The following CCDC88A variants were observed in gnomAD, a reference collection of about 807,000 sequenced individuals.
CCDC88A encodes the protein coiled-coil and HOOK domain protein 88A.
A neutral mutation model predicts 234.3 loss-of-function variants in CCDC88A; 54 were observed. The ratio of observed to expected loss-of-function variants is 0.23; its 90% CI spans 0.19 to 0.29. CCDC88A has a LOEUF of 0.29. Among genes scored for constraint, CCDC88A ranks in the 10% least tolerant of loss-of-function variants. The probability of loss-of-function intolerance (pLI) is 1.00; values close to 1 mark genes in which losing one functional copy is unlikely to be tolerated. For synonymous variants in CCDC88A, 753 were observed against 737.8 expected, an observed-to-expected ratio of 1.02 and a Z score of -0.33; for missense variants, 1,832 against 2,123.4, an observed-to-expected ratio of 0.86 and a Z score of 2.70.
In CCDC88A at chr2:55,309,390, T is replaced by A; in HGVS notation, c.4080-136A>T. The A allele has an allele frequency of 2.1e-6, 1 of 470,928 alleles. No individual in the cohort carries two copies. Among genetic ancestry groups the A allele is most frequent in the South Asian group, 4.6e-5 (1 of 21,622 alleles). The allele number at this position is 470,928 out of a possible 1,614,324, so 29.2% of individuals were successfully genotyped here. On this transcript the variant is annotated intron_variant, in intron 23 of 32. Coordinates refer to ENST00000436346, the MANE Select transcript of CCDC88A (RefSeq NM_001365480.1). The surrounding 1 kb of genome is among the most constrained non-coding windows in gnomAD (Gnocchi z 5.1). The stretch of plus-strand genomic sequence containing the variant: ...AGATACCATGGTTGGCAACTAAGAT[T>A]TCATCAGGTAGTTAACAATGGGAAT...
chr2:55,390,046 A>T lies in CCDC88A; in HGVS notation c.165-1160T>A, dbSNP rs568538242. Among the ~76,000 whole-genome samples the T allele has an allele frequency of 1.6e-3, 229 of 143,504 alleles. 25 individuals carry two copies. Among genetic ancestry groups the T allele is most frequent in the Middle Eastern group, 7.0e-3 (2 of 286 alleles). The allele number at this position is 143,504 out of a possible 152,430, so 94.1% of individuals were successfully genotyped here. On this transcript the variant is annotated intron_variant, in intron 2 of 32. Coordinates refer to ENST00000436346, the MANE Select transcript of CCDC88A (RefSeq NM_001365480.1). ...ACAGAGCGAGACTCAAAAAAAAAAAAAAATAAAAAATAAAGATAGAACATT... is the reference window on the plus strand; with the variant it reads ...ACAGAGCGAGACTCAAAAAAAAAAATAAATAAAAAATAAAGATAGAACATT...
chr2:55,302,153 G>T (rs1680973108), intron 26 of CCDC88A, 81 bp from the exon 27 acceptor site: 6 of 1,133,606 alleles, frequency 5.3e-6, no homozygotes, highest in Admixed American at 2.2e-5. Flanking sequence ...AAATACTGTG[G>T]TTTTTGTCTA....
chr2:55,384,577 ATGTG>A (rs1675206457), intron 3 of CCDC88A, among the ~76,000 whole-genome samples: 1 of 99,360 alleles, frequency 1.0e-5, no homozygotes, highest in African/African-American at 3.9e-5. Context: ...ATACGTATAT[ATGTG>A]TATATATACA....
chr2:55,355,984 TTTTATTTA>T (rs1023454312), intron 7 of CCDC88A: 12 of 305,166 alleles, frequency 3.9e-5, no homozygotes, highest in Admixed American at 1.4e-4. Flanking sequence ...CTTCCTAGTT[TTTTATTTA>T]TTTATTTATT....
chr2:55,311,480 C>G (rs1026556721), intron 23 of CCDC88A, among the ~76,000 whole-genome samples: 2 of 152,178 alleles, frequency 1.3e-5, no homozygotes, highest in Non-Finnish European at 2.9e-5. Context: ...CTGAGAGGCA[C>G]AGACATACTA....
intron 2 of CCDC88A, among the ~76,000 whole-genome samples, chr2:55,413,077 A>T (rs1680761702): frequency 6.6e-6 from 1 of 152,032 alleles, no homozygotes; most frequent in African/African-American, 2.4e-5. Flanking sequence ...GTGCAGTAGC[A>T]CATGCCTGCA....
chr2:55,332,399 G>C lies in CCDC88A; in HGVS notation c.2855+167C>G. ...AGCCTCCCAAAGTGCTGGGATTATA[G>C]GTGTGAGCCACCGCACCCGGCTACA... is the stretch of plus-strand genomic sequence containing the variant. On this transcript the variant is annotated intron_variant, in intron 16 of 32. Transcript: ENST00000436346. This position sits in a 1 kb window ranked among gnomAD's most constrained non-coding sequence, Gnocchi z 4.5. The C allele has an allele frequency of 8.1e-7, 1 of 1,232,134 alleles. No homozygotes were observed. The highest frequency in any genetic ancestry group is 1.0e-6 in the Non-Finnish European group (1 of 968,316). The allele number at this position is 1,232,134 out of a possible 1,614,324, so 76.3% of individuals were successfully genotyped here.
At position 55,415,566 on chromosome 2, in the gene CCDC88A, G is replaced by T. The variant is rs149630932; in HGVS notation, c.164+3250C>A. Among the ~76,000 whole-genome samples the T allele has an allele frequency of 2.1e-3, 327 of 152,258 alleles. 2 individuals carry two copies. The highest frequency in any genetic ancestry group is 7.7e-3 in the African/African-American group (320 of 41,546). On this transcript the variant is annotated intron_variant, in intron 2 of 32. Coordinates refer to ENST00000436346, the MANE Select transcript of CCDC88A (RefSeq NM_001365480.1). ...GAGGGGAATCCAGGCAGAGCACAAT[G>T]GTCTGAGCTGAGGGGACAGAACTGA...
chr2:55,374,904 C>T lies in CCDC88A; in HGVS notation c.274-21G>A, dbSNP rs558691765. The T allele has an allele frequency of 4.7e-6, 7 of 1,475,842 alleles. No homozygotes were observed. In the African/African-American group the frequency reaches 5.5e-5, roughly 12 times the overall value. 91.4% of individuals were successfully genotyped at this position (1,475,842 alleles called of 1,614,324 possible). Reference sequence around the variant, plus strand: ...GTCTCCTGTAAAAAAATATCCAACACTTGTTATATGGGTAATGCTAACTAG... The same window carrying T: ...GTCTCCTGTAAAAAAATATCCAACATTTGTTATATGGGTAATGCTAACTAG... On this transcript the variant is annotated intron_variant, in intron 3 of 32. Transcript: ENST00000436346.
intron 2 of CCDC88A, among the ~76,000 whole-genome samples, chr2:55,416,608 T>C (rs1224949297): frequency 4.0e-5 from 6 of 150,470 alleles, no homozygotes; most frequent in African/African-American, 1.5e-4. Context: ...AATATATAAA[T>C]AGTTTCATTT....
chr2:55,418,587 G>A (rs915368770), intron 2 of CCDC88A: 1 of 564,052 alleles, frequency 1.8e-6, no homozygotes, highest in African/African-American at 1.9e-5. Context: ...ACAATACATG[G>A]TTGACAGAAT....
intron 12 of CCDC88A, chr2:55,340,036 C>A (rs1687899475): frequency 6.5e-6 from 1 of 153,988 alleles, no homozygotes; most frequent in Non-Finnish European, 1.4e-5. Context: ...TTAGGCTGGT[C>A]TCGAACTCCT....
Position 55,355,747 on chromosome 2 carries a change from A to T in CCDC88A, c.632T>A (p.Ile211Asn), listed in dbSNP as rs1367275596. 1.9e-6 allele frequency: 3 copies of T among 1,609,780 alleles called. No individual in the cohort carries two copies. The highest frequency in any genetic ancestry group is 1.7e-6 in the Non-Finnish European group (2 of 1,176,300). Reference sequence around the variant, plus strand: ...ATCCCGCTCTTCAGAGAGTTCTATGATAGTCTAGAAATACACACAGAATCA... The same window carrying T: ...ATCCCGCTCTTCAGAGAGTTCTATGTTAGTCTAGAAATACACACAGAATCA... The part of the protein sequence containing the change: ...IDERDEHSET[I>N]IELSEERDGL... Residue 211 changes from isoleucine (I) to asparagine (N), a missense_variant, in exon 8 of 33, where the codon ATC becomes AAC. Around this residue, in one of 6 missense-constraint regions of CCDC88A, gnomAD observed 1,282 missense variants for 1,543.6 expected, o/e 0.83. Transcript: ENST00000436346.
At chr2:55,397,671 T>C (rs920672049) in intron 2 of CCDC88A, among the ~76,000 whole-genome samples, 1 of 152,110 alleles carries the variant, frequency 6.6e-6, no homozygotes, top group South Asian at 2.1e-4. Flanking sequence ...CAAGTTTGTT[T>C]CCTTTAAAGT....
At chr2:55,301,034 A>G in intron 28 of CCDC88A, 172 bp downstream of exon 28, 4 of 553,404 alleles carry the variant, frequency 7.2e-6, no homozygotes, top group Non-Finnish European at 1.3e-5. Context: ...AATTATCTTA[A>G]AAGAGGCAGA....
intron 10 of CCDC88A, 71 bp downstream of exon 10, chr2:55,346,104 A>G (rs1669078031): frequency 9.5e-7 from 1 of 1,055,068 alleles, no homozygotes; most frequent in Admixed American, 2.3e-5. Context: ...CATGTTTATT[A>G]ACTGCATTTT....
intron 29 of CCDC88A, chr2:55,296,905 C>G (rs1680096774): frequency 1.2e-5 from 2 of 163,764 alleles, no homozygotes; most frequent in East Asian, 3.6e-4. Flanking sequence ...GCCTTGCAGG[C>G]CAGGCGTGGT....
intron 7 of CCDC88A, among the ~76,000 whole-genome samples, chr2:55,359,569 T>C (rs914824050): frequency 6.6e-6 from 1 of 150,950 alleles, no homozygotes; most frequent in Non-Finnish European, 1.5e-5. Context: ...GAATTTCGTA[T>C]GCCCCCCCAT....
chr2:55,303,127 A>T lies in CCDC88A; in HGVS notation c.4413T>A (p.Phe1471Leu), dbSNP rs1322301147. Reference sequence around the variant, plus strand: ...CTTTATCCTTCGGTCTGTTCCTCAAAAAGGGCAGTCTTTTCAGTGCAACCA... The same window carrying T: ...CTTTATCCTTCGGTCTGTTCCTCAATAAGGGCAGTCTTTTCAGTGCAACCA... ...SSMVALKRLPFLRNRPKDKDK... is the reference protein window; with the variant it reads ...SSMVALKRLPLLRNRPKDKDK... Residue 1471 changes from phenylalanine (F) to leucine (L), a missense_variant, in exon 26 of 33, where the codon TTT becomes TTA. Transcript: ENST00000436346. The T allele has an allele frequency of 5.8e-6, 9 of 1,551,538 alleles. No individual in the cohort carries two copies. Among genetic ancestry groups the T allele is most frequent in the Non-Finnish European group, 7.8e-6 (9 of 1,146,624 alleles).
Sources: gnomAD v4.1 joint callset for allele counts (sites outside exome capture counted in the v4.1 genomes callset) on GRCh38, gnomAD v4.1.1 for gene constraint, gnomAD v4.1.1 regional missense constraint, Gnocchi (gnomAD v3.1) non-coding constraint, MANE v1.5 for transcripts, NCBI Gene and HGNC (gene_info 2026-07-23, HGNC 2026-07-21) for gene names.